EYS: variants seen among roughly 807,000 people sequenced by gnomAD.
EYS encodes EGF-like photoreceptor maintenance factor.
EYS carries 250 observed loss-of-function variants against 282.1 expected under a neutral mutation model. The observed-to-expected ratio is 0.89, with a 90% CI of 0.80 to 0.98. EYS has a LOEUF of 0.98. Ranked by LOEUF, EYS falls within the 50% of genes least tolerant of loss-of-function variation. The probability of loss-of-function intolerance (pLI) is 0.00; values close to 1 mark genes in which losing one functional copy is unlikely to be tolerated. For synonymous variants in EYS, 1,355 were observed against 1,282.9 expected (o/e 1.06, Z -1.20); for missense variants, 4,016 against 3,709.0 (o/e 1.08, Z -2.15).
intron 29 of EYS, among the ~76,000 whole-genome samples, chr6:64,354,072 C>A (rs1011268984): frequency 6.6e-6 from 1 of 151,550 alleles, no homozygotes; most frequent in Non-Finnish European, 1.5e-5. Flanking sequence ...AGCCTAAAAG[C>A]ACTAGATGCT....
rs769240399 is a variant in EYS, at chr6:64,864,385, C to CT, written c.2992+22311dup. 6.5e-3 allele frequency among the ~76,000 whole-genome samples: 372 copies of CT among 57,196 alleles called. 52 individuals carry two copies. The highest frequency in any genetic ancestry group is 0.021 in the East Asian group (60 of 2,874). 37.5% of individuals were successfully genotyped at this position (57,196 alleles called of 152,430 possible). Reference sequence around the variant, plus strand: ...GAGAAATACAGAGGTGCTATACCTTCTTTTTTTTTTTTTTTTTTTTTGACA... The same window carrying CT: ...GAGAAATACAGAGGTGCTATACCTTCTTTTTTTTTTTTTTTTTTTTTTGACA... On this transcript the variant is annotated intron_variant, in intron 19 of 42. Coordinates refer to ENST00000503581, the MANE Select transcript of EYS (RefSeq NM_001142800.2).
chr6:65,028,304 T>C (rs984952391), intron 13 of EYS, among the ~76,000 whole-genome samples: 1 of 151,860 alleles, frequency 6.6e-6, no homozygotes, highest in Non-Finnish European at 1.5e-5. Context: ...TTATCTATAT[T>C]ATATGCATTT....
intron 26 of EYS, among the ~76,000 whole-genome samples, chr6:64,535,745 A>T (rs951320577): frequency 1.3e-5 from 2 of 148,832 alleles, no homozygotes; most frequent in Non-Finnish European, 1.5e-5. Flanking sequence ...GTCTCAAAAT[A>T]AAAAAAAAAG....
chr6:63,827,850 CAAA>C (rs58843584), intron 36 of EYS, among the ~76,000 whole-genome samples: 60 of 85,004 alleles, frequency 7.1e-4, no homozygotes, highest in Admixed American at 1.5e-3. Context: ...GACTCCGTCT[CAAA>C]AAAAAAAAAA....
At chr6:64,394,268 T>C (rs1037262486) in intron 28 of EYS, among the ~76,000 whole-genome samples, 3 of 152,056 alleles carry the variant, frequency 2.0e-5, no homozygotes, top group Admixed American at 6.6e-5. Flanking sequence ...CTTCACAGAA[T>C]TGGAAAAAAC....
At chr6:65,047,689 T>C (rs531789347) in intron 13 of EYS, among the ~76,000 whole-genome samples, 68 of 152,066 alleles carry the variant, frequency 4.5e-4, no homozygotes, top group Non-Finnish European at 6.6e-4. Context: ...CTAAGTGTGA[T>C]TGGATCCTAG....
chr6:64,993,231 GA>G (rs1562291525), intron 14 of EYS, among the ~76,000 whole-genome samples: 1 of 151,850 alleles, frequency 6.6e-6, no homozygotes, highest in African/African-American at 2.4e-5. Flanking sequence ...ATCATTGTTG[GA>G]CATTTGGGTT....
intron 26 of EYS, among the ~76,000 whole-genome samples, chr6:64,460,798 A>G (rs1456827021): frequency 6.6e-6 from 1 of 152,008 alleles, no homozygotes; most frequent in Non-Finnish European, 1.5e-5. Context: ...ATTTTACCTT[A>G]TTTCTAGCAA....
chr6:64,800,205 T>A (rs145936131), intron 22 of EYS, among the ~76,000 whole-genome samples: 3 of 152,050 alleles, frequency 2.0e-5, no homozygotes, highest in Non-Finnish European at 4.4e-5. Context: ...AATGTACAGA[T>A]GCCCTGACCT....
At chr6:65,680,308 T>C (rs1417043036) in intron 1 of EYS, among the ~76,000 whole-genome samples, 1 of 151,984 alleles carries the variant, frequency 6.6e-6, no homozygotes, top group Admixed American at 6.6e-5. Flanking sequence ...ATGAACTAGA[T>C]TTGAAAGTTC....
chr6:64,500,931 T>C (rs1777018647), intron 26 of EYS, among the ~76,000 whole-genome samples: 1 of 152,092 alleles, frequency 6.6e-6, no homozygotes, highest in African/African-American at 2.4e-5. Context: ...AGCTCCAATT[T>C]ACTTATTACG....
At chr6:64,422,540 T>C (rs750771989) in intron 28 of EYS, among the ~76,000 whole-genome samples, 9 of 152,204 alleles carry the variant, frequency 5.9e-5, no homozygotes, top group Non-Finnish European at 1.3e-4. Context: ...GGAGGAAACA[T>C]GGAACTTTCT....
chr6:65,396,067 A>T (rs1185298871), intron 7 of EYS, among the ~76,000 whole-genome samples: 5 of 152,316 alleles, frequency 3.3e-5, no homozygotes, highest in Admixed American at 2.6e-4. Context: ...ATGCATACAC[A>T]TGCAAACACA....
At chr6:63,903,740 C>T (rs1581957216) in intron 35 of EYS, among the ~76,000 whole-genome samples, 1 of 152,058 alleles carries the variant, frequency 6.6e-6, no homozygotes, top group Non-Finnish European at 1.5e-5. Flanking sequence ...AGAACAGGAC[C>T]CTGGATGTAG....
At chr6:64,485,363 G>T (rs962191562) in intron 26 of EYS, among the ~76,000 whole-genome samples, 5 of 151,598 alleles carry the variant, frequency 3.3e-5, no homozygotes, top group Non-Finnish European at 7.4e-5. Context: ...GTTTAAGACT[G>T]CATTGAGGAT....
At chr6:64,308,792 C>A (rs6454783) in intron 29 of EYS, among the ~76,000 whole-genome samples, 1 of 151,790 alleles carries the variant, frequency 6.6e-6, no homozygotes, top group East Asian at 1.9e-4. Flanking sequence ...CTCTGTCAAA[C>A]GTCAAAAATG....
intron 35 of EYS, among the ~76,000 whole-genome samples, chr6:63,943,942 T>C (rs1359026736): frequency 6.6e-6 from 1 of 152,190 alleles, no homozygotes; most frequent in African/African-American, 2.4e-5. Context: ...AAGAAAGGCT[T>C]TTTCTTTGTC....
chr6:63,925,762 G>T (rs1764698440), intron 35 of EYS, among the ~76,000 whole-genome samples: 1 of 152,206 alleles, frequency 6.6e-6, no homozygotes. Context: ...TCCTGCCTCA[G>T]CCTCCCGAGT....
intron 31 of EYS, among the ~76,000 whole-genome samples, chr6:64,221,021 T>C (rs965644124): frequency 3.3e-5 from 5 of 152,126 alleles, no homozygotes; most frequent in Non-Finnish European, 7.4e-5. Flanking sequence ...TTTCTATAAC[T>C]TGGAGACAGA....
Sources: allele counts gnomAD v4.1 joint callset (sites outside exome capture counted in the v4.1 genomes callset), GRCh38; gene constraint gnomAD v4.1.1; transcripts MANE v1.5; gene names NCBI Gene and HGNC (gene_info 2026-07-23, HGNC 2026-07-21).